Variants in TTN observed in about 807,000 individuals in gnomAD.
TTN encodes titin.
TTN carries 1,525 observed loss-of-function variants against 3,223.0 expected under a neutral mutation model. That is an observed-to-expected ratio of 0.47 (90% confidence interval 0.45 to 0.49). The LOEUF (loss-of-function observed/expected upper bound fraction) is 0.49. Ranked by LOEUF, TTN falls within the 20% of genes least tolerant of loss-of-function variation. The pLI is 0.00. For synonymous variants in TTN, 14,094 were observed against 15,161.0 expected, an observed-to-expected ratio of 0.93 and a Z score of 5.17; for missense variants, 40,786 against 43,424.0, an observed-to-expected ratio of 0.94 and a Z score of 5.40.
chr2:178,679,369 G>T lies in TTN; in HGVS notation c.33712C>A (p.Pro11238Thr). 1.2e-6 allele frequency: 2 copies of T among 1,612,628 alleles called. No homozygotes were observed. The highest frequency in any genetic ancestry group is 1.7e-6 in the Non-Finnish European group (2 of 1,179,046). Residue 11238 changes from proline (P) to threonine (T), a missense_variant, in exon 142 of 363, where the codon CCT becomes ACT. By Grantham distance (38) the Pro-to-Thr change is conservative. Transcript: ENST00000589042. ...GCTGGCGGAGGCTTCTCCTTTTTAG[G>T]AATAAGCACAGGAACTTTCTCCTCT... ...KPEEKVPVLI[P>T]KKEKPPPAKV...
At chr2:178,792,909 C>T (rs988063578) in intron 9 of TTN, among the ~76,000 whole-genome samples, 9 of 152,244 alleles carry the variant, frequency 5.9e-5, no homozygotes, top group African/African-American at 2.2e-4. Context: ...AACCATGGGG[C>T]TGTCCTTTTC....
intron 344 of TTN, 140 bp downstream of exon 344, chr2:178,545,248 T>C (rs1696526720): frequency 2.9e-6 from 2 of 693,072 alleles, no homozygotes; most frequent in Middle Eastern, 3.6e-4. Context: ...ACTTAAGCTA[T>C]ATTTATGATC....
In TTN at chr2:178,538,643, ACCT is replaced by A; in HGVS notation, c.99183_99185del (p.Gly33062del). ...ATTCATACTCAGTAGCTTCCAGCAA[ACCT>A]CCTATTGTGAATTGCTTGTCCTTAA... is the stretch of plus-strand genomic sequence containing the variant. On this transcript the variant is annotated inframe_deletion, in exon 354 of 363. Transcript: ENST00000589042. 2 of 1,613,690 alleles carry A rather than the reference ACCT, an allele frequency of 1.2e-6. No individual in the cohort carries two copies. The highest frequency in any genetic ancestry group is 1.7e-6 in the Non-Finnish European group (2 of 1,179,752).
At position 178,531,471 on chromosome 2, in the gene TTN, G is replaced by C; in HGVS notation, c.105144C>G (p.Val35048=). 6.2e-7 allele frequency: 1 copy of C among 1,613,824 alleles called. No homozygotes were observed. Among genetic ancestry groups the C allele is most frequent in the East Asian group, 2.2e-5 (1 of 44,878 alleles). Residue 35048 remains valine, a synonymous_variant, in exon 358 of 363, where the codon GTC becomes GTG. Coordinates refer to ENST00000589042, the MANE Select transcript of TTN (RefSeq NM_001267550.2). ...TYASQRRDEE[V]PRSVFPELTR... The stretch of plus-strand genomic sequence containing the variant: ...TCAGCTCAGGGAAAACAGATCTGGG[G>C]ACCTCTTCATCTCTGCGTTGGGAAG...
chr2:178,767,637 T>C, intron 40 of TTN, 122 bp downstream of exon 40: 1 of 1,396,770 alleles, frequency 7.2e-7, no homozygotes, highest in East Asian at 2.4e-5. Flanking sequence ...CAAGTAAGAA[T>C]GAGCTGATTT....
chr2:178,546,741 T>C lies in TTN; in HGVS notation c.94687A>G (p.Ile31563Val). 3 of 1,613,774 alleles carry C rather than the reference T, an allele frequency of 1.9e-6. No homozygotes were observed. The highest frequency in any genetic ancestry group is 2.5e-6 in the Non-Finnish European group (3 of 1,179,754). Reference sequence around the variant, plus strand: ...ACGGTGAAGAAATTGTCAGATACAATGGTGTAGTTGCACTTCAGCCAGCGA... The same window carrying C: ...ACGGTGAAGAAATTGTCAGATACAACGGTGTAGTTGCACTTCAGCCAGCGA... Reference protein sequence around the residue: ...DGRWLKCNYTIVSDNFFTVTA... With the variant: ...DGRWLKCNYTVVSDNFFTVTA... Residue 31563 changes from isoleucine to valine, a missense_variant, in exon 341 of 363, where the codon ATT (isoleucine) becomes GTT (valine). Physicochemically the swap from Ile to Val is conservative, Grantham distance 29 (BLOSUM62 3). Coordinates refer to ENST00000589042, the MANE Select transcript of TTN (RefSeq NM_001267550.2).
In TTN at chr2:178,559,938, C is replaced by G; in HGVS notation, c.86194G>C (p.Gly28732Arg). Residue 28732 changes from glycine (G) to arginine (R), a missense_variant, in exon 326 of 363, where the codon GGT becomes CGT. Coordinates refer to ENST00000589042, the MANE Select transcript of TTN (RefSeq NM_001267550.2). The part of the protein sequence containing the change: ...VFRVKSVNKV[G>R]ASDPSDSSDP... Reference sequence around the variant, plus strand: ...GAGCTATCACTGGGGTCACTAGCACCAACCTTATTGACAGATTTTACTCTG... The same window carrying G: ...GAGCTATCACTGGGGTCACTAGCACGAACCTTATTGACAGATTTTACTCTG... The G allele has an allele frequency of 6.2e-7, 1 of 1,613,812 alleles. No individual in the cohort carries two copies.
Position 178,560,078 on chromosome 2 carries a change from CCA to C in TTN, c.86052_86053del (p.Gly28685IlefsTer9), listed in dbSNP as rs1235914486. 1 of 1,613,594 alleles carries C rather than the reference CCA, an allele frequency of 6.2e-7. No homozygotes were observed. The highest frequency in any genetic ancestry group is 1.1e-5 in the South Asian group (1 of 91,070). On this transcript the variant is annotated frameshift_variant, in exon 326 of 363. Transcript: ENST00000589042. LOFTEE classifies it high-confidence loss of function. ...AGATTTTTTGTATTCTACAGTATAT[CCA>C]GTTATCGGGGCCCCACCATCAAACA...
At chr2:178,791,304 A>G (rs2093477782) in intron 10 of TTN, among the ~76,000 whole-genome samples, 2 of 152,238 alleles carry the variant, frequency 1.3e-5, no homozygotes, top group Non-Finnish European at 2.9e-5. Context: ...TTTTAAGTGT[A>G]CAAGGTTCTC....
At position 178,534,636 on chromosome 2, in the gene TTN, G is replaced by A. The variant is rs1429749651; in HGVS notation, c.101979C>T (p.Ser33993=). 29 of 1,613,696 alleles carry A rather than the reference G, an allele frequency of 1.8e-5. No individual in the cohort carries two copies. Among genetic ancestry groups the A allele is most frequent in the Non-Finnish European group, 2.1e-5 (25 of 1,179,634 alleles). The change falls in exon 358 of 363, where the codon AGC becomes AGT. Residue 33993 remains serine, a synonymous_variant. Coordinates refer to ENST00000589042, the MANE Select transcript of TTN (RefSeq NM_001267550.2). ...APEVHQHDVV[S]TATDMWSLGT... The stretch of plus-strand genomic sequence containing the variant: ...CAAGTGACCACATGTCTGTGGCTGT[G>A]CTGACAACATCATGCTGGTGGACTT...
At chr2:178,592,724 C>T (rs549646900) in intron 300 of TTN, 51 bp downstream of exon 300, 68 of 1,612,362 alleles carry the variant, frequency 4.2e-5, no homozygotes, top group Non-Finnish European at 4.8e-5. Context: ...TAAACACATA[C>T]AATCAGACAT....
intron 250 of TTN, 98 bp downstream of exon 250, chr2:178,619,523 T>C: frequency 6.8e-7 from 1 of 1,476,044 alleles, no homozygotes; most frequent in Non-Finnish European, 9.1e-7. Context: ...TTGCTAGAAA[T>C]GAAAGACCCT....
intron 228 of TTN, 83 bp downstream of exon 228, chr2:178,635,082 C>G: frequency 6.4e-7 from 1 of 1,561,844 alleles, no homozygotes; most frequent in Non-Finnish European, 8.7e-7. Context: ...ATTATTAAAG[C>G]AACCCGAATC....
Position 178,712,461 on chromosome 2 carries a change from G to A in TTN, c.27461C>T (p.Pro9154Leu). Residue 9154 changes from proline to leucine, a missense_variant, in exon 95 of 363, where the codon CCT (proline) becomes CTT (leucine). Physicochemically the swap from Pro to Leu is moderately conservative, Grantham distance 98. Transcript: ENST00000589042. ...TWKKNGINVTPSQRCNITTTE... is the reference protein window; with the variant it reads ...TWKKNGINVTLSQRCNITTTE... ...CGTAGTTATATTACACCTCTGAGAA[G>A]GAGTTACATTTATGCCATTTTTCTT... 1 of 1,613,762 alleles carries A rather than the reference G, an allele frequency of 6.2e-7. No homozygotes were observed.
In TTN at chr2:178,723,914, T is replaced by G. The variant is rs758613310; in HGVS notation, c.21345A>C (p.Thr7115=). The G allele has an allele frequency of 3.7e-6, 6 of 1,613,510 alleles. No individual in the cohort carries two copies. The Admixed American group carries it at 1.0e-4, about 27-fold the overall frequency. ...SLDSSDMGNY[T]CVAANVAGSD... ...ACCCAGCGACATTAGCAGCCACGCA[T>G]GTGTAATTGCCCATATCTGAGGAAT... is the stretch of plus-strand genomic sequence containing the variant. Residue 7115 remains threonine, a synonymous_variant, in exon 73 of 363, where the codon ACA becomes ACC. Transcript: ENST00000589042.
At position 178,611,264 on chromosome 2, in the gene TTN, T is replaced by A. The variant is rs754038742; in HGVS notation, c.50865A>T (p.Pro16955=). 1.2e-6 allele frequency: 2 copies of A among 1,612,018 alleles called. No homozygotes were observed. Among genetic ancestry groups the A allele is most frequent in the African/African-American group, 2.7e-5 (2 of 74,804 alleles). ...NVVAKDPDCK[P]TIDLETHDII... is the part of the protein sequence containing the mutation. ...TGTCATGAGTCTCCAGGTCAATTGT[T>A]GGCTTGCCTGTAAGATATCATTCAA... Residue 16955 remains proline (P), a synonymous_variant, in exon 270 of 363, where the codon CCA becomes CCT. Coordinates refer to ENST00000589042, the MANE Select transcript of TTN (RefSeq NM_001267550.2).
At position 178,662,385 on chromosome 2, in the gene TTN, T is replaced by G; in HGVS notation, c.36992A>C (p.Glu12331Ala). The G allele has an allele frequency of 1.4e-6, 2 of 1,470,694 alleles. No individual in the cohort carries two copies. The highest frequency in any genetic ancestry group is 8.9e-7 in the Non-Finnish European group (1 of 1,121,324). The allele number at this position is 1,470,694 out of a possible 1,614,324, so 91.1% of individuals were successfully genotyped here. Reference protein sequence around the residue: ...PEVPQEATEKEIPVAPPKKPE... With the variant: ...PEVPQEATEKAIPVAPPKKPE... ...TTTTTTGGGTGGAGCCACGGGAATTTCTTTTTCTGTGGCTTCTTGAGGAAC... is the reference window on the plus strand; with the variant it reads ...TTTTTTGGGTGGAGCCACGGGAATTGCTTTTTCTGTGGCTTCTTGAGGAAC... Residue 12331 changes from glutamate to alanine, a missense_variant, in exon 177 of 363, where the codon GAA (glutamate) becomes GCA (alanine). Transcript: ENST00000589042.
At position 178,531,988 on chromosome 2, in the gene TTN, G is replaced by A. The variant is rs1170097065; in HGVS notation, c.104627C>T (p.Ser34876Leu). Residue 34876 changes from serine to leucine, a missense_variant, in exon 358 of 363, where the codon TCA becomes TTA. Transcript: ENST00000589042. ...TGGGCGAGTTCTCTCTGGAGTAGGT[G>A]ACCTTCTTTCTGTGTCATCTTCGTA... ...EEYEDDTERR[S>L]PTPERTRPRS... is the part of the protein sequence containing the mutation. 3.7e-6 allele frequency: 6 copies of A among 1,613,806 alleles called. No homozygotes were observed. The African/African-American group carries it at 5.3e-5, about 14-fold the overall frequency.
chr2:178,704,862 C>A lies in TTN; in HGVS notation c.29694+15G>T. 2 of 1,611,444 alleles carry A rather than the reference C, an allele frequency of 1.2e-6. No individual in the cohort carries two copies. Among genetic ancestry groups the A allele is most frequent in the Non-Finnish European group, 1.7e-6 (2 of 1,179,196 alleles). ...AATAACTTGTTCATTTTATTATCAA[C>A]ATAATTCTTTTTACCTCTGTCTGTG... On this transcript the variant is annotated intron_variant, in intron 104 of 362. Coordinates refer to ENST00000589042, the MANE Select transcript of TTN (RefSeq NM_001267550.2).
Sources: allele counts gnomAD v4.1 joint callset (sites outside exome capture counted in the v4.1 genomes callset), GRCh38; gene constraint gnomAD v4.1.1; transcripts MANE v1.5; gene names NCBI Gene and HGNC (gene_info 2026-07-23, HGNC 2026-07-21).